The following ACTB variants were observed in gnomAD, a reference collection of about 807,000 sequenced individuals.
ACTB encodes actin beta.
A neutral mutation model predicts 30.5 loss-of-function variants in ACTB; 2 were observed. That is an observed-to-expected ratio of 0.07 (90% CI 0.03 to 0.21). ACTB has a LOEUF of 0.21. Ranked by LOEUF, ACTB falls within the 10% of genes least tolerant of loss-of-function variation. The probability of loss-of-function intolerance (pLI) is 1.00; values close to 1 mark genes in which losing one functional copy is unlikely to be tolerated. For synonymous variants in ACTB, 335 were observed against 217.6 expected, an observed-to-expected ratio of 1.54 and a Z score of -4.75; for missense variants, 56 against 530.0, an observed-to-expected ratio of 0.11 and a Z score of 8.78.
At chr7:5,529,051 A>G (rs1562719555) in intron 3 of ACTB, 110 bp downstream of exon 3, 1 of 1,612,930 alleles carries the variant, frequency 6.2e-7, no homozygotes, top group African/African-American at 1.3e-5. Flanking sequence ...CAGGTCAGAG[A>G]AGAGAGTCCT....
chr7:5,527,913 C>G, intron 5 of ACTB, 22 bp from the exon 6 acceptor site: 4 of 1,613,062 alleles, frequency 2.5e-6, no homozygotes, highest in Non-Finnish European at 3.4e-6. Context: ...AGGGGACAGG[C>G]AGTGAGGACC....
Position 5,528,357 on chromosome 7 carries a change from C to T in ACTB, c.726G>A (p.Leu242=), listed in dbSNP as rs774299670. The part of the protein sequence containing the change: ...SSSSLEKSYE[L]PDGQVITIGN... ...CAATGGTGATGACCTGGCCGTCAGG[C>T]AGCTCGTAGCTCTTCTCCAGGGAGG... The change falls in exon 4 of 6, where the codon CTG becomes CTA. Residue 242 remains leucine, a synonymous_variant. Coordinates refer to ENST00000646664, the MANE Select transcript of ACTB (RefSeq NM_001101.5). The T allele has an allele frequency of 1.8e-5, 29 of 1,614,146 alleles. No homozygotes were observed. Among genetic ancestry groups the T allele is most frequent in the Non-Finnish European group, 2.5e-5 (29 of 1,180,038 alleles).
At position 5,528,528 on chromosome 7, in the gene ACTB, C is replaced by G. The variant is rs572827597; in HGVS notation, c.555G>C (p.Leu185=). ...ILRLDLAGRD[L]TDYLMKILTE... is the part of the protein sequence containing the mutation. ...TGAGGATCTTCATGAGGTAGTCAGT[C>G]AGGTCCCGGCCAGCCAGGTCCAGAC... is the stretch of plus-strand genomic sequence containing the variant. The change falls in exon 4 of 6, where the codon CTG becomes CTC. Residue 185 remains leucine (L), a synonymous_variant. Coordinates refer to ENST00000646664, the MANE Select transcript of ACTB (RefSeq NM_001101.5). 1.2e-6 allele frequency: 2 copies of G among 1,614,048 alleles called. No homozygotes were observed. The highest frequency in any genetic ancestry group is 2.7e-5 in the African/African-American group (2 of 75,074).
At chr7:5,528,246 A>AT (rs1784807534) in intron 4 of ACTB, 35 bp downstream of exon 4, 2 of 1,613,786 alleles carry the variant, frequency 1.2e-6, no homozygotes, top group African/African-American at 2.7e-5. Flanking sequence ...GGTAACCCTC[A>AT]TGTCAGGCAG....
chr7:5,527,980 A>C (rs1784801791), intron 5 of ACTB, 24 bp downstream of exon 5: 1 of 1,613,204 alleles, frequency 6.2e-7, no homozygotes, highest in Non-Finnish European at 8.5e-7. Context: ...TGCCCAGGTC[A>C]GCTCAGGCAG....
rs769182426 is a variant in ACTB, at chr7:5,528,100, G to A, written c.888C>T (p.Asn296=). 2 of 1,614,258 alleles carry A rather than the reference G, an allele frequency of 1.2e-6. No homozygotes were observed. Among genetic ancestry groups the A allele is most frequent in the East Asian group, 2.2e-5 (1 of 44,890 alleles). ...TGGTGGTGCCGCCAGACAGCACTGTGTTGGCGTACAGGTCTTTGCGGATGT... is the reference window on the plus strand; with the variant it reads ...TGGTGGTGCCGCCAGACAGCACTGTATTGGCGTACAGGTCTTTGCGGATGT... The part of the protein sequence containing the change: ...DVDIRKDLYA[N]TVLSGGTTMY... Residue 296 remains asparagine, a synonymous_variant, in exon 5 of 6, where the codon AAC becomes AAT. Coordinates refer to ENST00000646664, the MANE Select transcript of ACTB (RefSeq NM_001101.5).
chr7:5,529,470 T>C (rs1403563035), intron 2 of ACTB, 65 bp downstream of exon 2: 4 of 1,612,968 alleles, frequency 2.5e-6, no homozygotes, highest in Non-Finnish European at 2.5e-6. Context: ...GAGGCTCCTG[T>C]GCAGAGAAAG....
chr7:5,528,321 C>G lies in ACTB; in HGVS notation c.762G>C (p.Arg254=), dbSNP rs145818896. 246 of 1,614,210 alleles carry G rather than the reference C, an allele frequency of 1.5e-4. No homozygotes were observed. The African/African-American group carries it at 2.7e-3, about 18-fold the overall frequency. Residue 254 remains arginine (R), a synonymous_variant, in exon 4 of 6, where the codon CGG becomes CGC. Transcript: ENST00000646664. Reference sequence around the variant, plus strand: ...GGAAGAGTGCCTCAGGGCAGCGGAACCGCTCATTGCCAATGGTGATGACCT... The same window carrying G: ...GGAAGAGTGCCTCAGGGCAGCGGAAGCGCTCATTGCCAATGGTGATGACCT... ...DGQVITIGNE[R]FRCPEALFQP... is the part of the protein sequence containing the mutation.
Position 5,528,489 on chromosome 7 carries a change from G to A in ACTB, c.594C>T (p.Tyr198=). 6.2e-7 allele frequency: 1 copy of A among 1,614,116 alleles called. No individual in the cohort carries two copies. The highest frequency in any genetic ancestry group is 8.5e-7 in the Non-Finnish European group (1 of 1,180,038). The change falls in exon 4 of 6, where the codon TAC becomes TAT. Residue 198 remains tyrosine (Y), a synonymous_variant. Coordinates refer to ENST00000646664, the MANE Select transcript of ACTB (RefSeq NM_001101.5). ...YLMKILTERG[Y]SFTTTAEREI... ...CCCGCTCGGCCGTGGTGGTGAAGCTGTAGCCGCGCTCGGTGAGGATCTTCA... is the reference window on the plus strand; with the variant it reads ...CCCGCTCGGCCGTGGTGGTGAAGCTATAGCCGCGCTCGGTGAGGATCTTCA...
chr7:5,529,689 G>A (rs1048523056), intron 1 of ACTB, 26 bp from the exon 2 acceptor site: 3 of 1,611,116 alleles, frequency 1.9e-6, no homozygotes, highest in Non-Finnish European at 1.7e-6. Flanking sequence ...GGCGCGCTGT[G>A]AGCCGAGGTC....
Position 5,528,166 on chromosome 7 carries a change from G to A in ACTB, c.822C>T (p.Ile274=), listed in dbSNP as rs377390140. 5 of 1,614,098 alleles carry A rather than the reference G, an allele frequency of 3.1e-6. No individual in the cohort carries two copies. In the African/African-American group the frequency reaches 5.3e-5, roughly 17 times the overall value. The stretch of plus-strand genomic sequence containing the variant: ...TGATGGAGTTGAAGGTAGTTTCGTG[G>A]ATGCCACAGGACTCCATGCCTGAGA... ...PSFLGMESCG[I]HETTFNSIMK... The change falls in exon 5 of 6, where the codon ATC becomes ATT. Residue 274 remains isoleucine, a synonymous_variant. Coordinates refer to ENST00000646664, the MANE Select transcript of ACTB (RefSeq NM_001101.5).
Position 5,529,535 on chromosome 7 carries a change from C to T in ACTB, c.123G>A (p.Gln41=), listed in dbSNP as rs1784838647. Residue 41 remains glutamine, a splice_region_variant and synonymous_variant, in exon 2 of 6, where the codon CAG becomes CAA. Coordinates refer to ENST00000646664, the MANE Select transcript of ACTB (RefSeq NM_001101.5). ...FPSIVGRPRH[Q]GVMVGMGQKD... Reference sequence around the variant, plus strand: ...TGCCCCACCCAGCCAGCTCCCCTACCTGGTGCCTGGGGCGCCCCACGATGG... The same window carrying T: ...TGCCCCACCCAGCCAGCTCCCCTACTTGGTGCCTGGGGCGCCCCACGATGG... 6.2e-7 allele frequency: 1 copy of T among 1,611,666 alleles called. No individual in the cohort carries two copies. Among genetic ancestry groups the T allele is most frequent in the Non-Finnish European group, 8.5e-7 (1 of 1,179,288 alleles).
chr7:5,528,206 G>C, intron 4 of ACTB, 21 bp from the exon 5 acceptor site: 2 of 1,613,902 alleles, frequency 1.2e-6, no homozygotes, highest in Non-Finnish European at 1.7e-6. Context: ...AATGAGGGCA[G>C]GACTTAGCTT....
intron 4 of ACTB, 21 bp downstream of exon 4, chr7:5,528,260 C>T (rs753983599): frequency 1.2e-5 from 19 of 1,613,360 alleles, no homozygotes; most frequent in South Asian, 2.2e-5. Flanking sequence ...CAGGCAGAGC[C>T]GGGAGACAGT....
chr7:5,527,676 A>T lies in ACTB; in HGVS notation c.*72T>A, dbSNP rs147293109. ...CAAAAAAAACAAATAAAGCCATGCC[A>T]ATCTCATCTTGTTTTCTGCGCAAGT... On this transcript the variant is annotated 3_prime_UTR_variant, in exon 6 of 6. Transcript: ENST00000646664. The T allele has an allele frequency of 5.0e-4, 790 of 1,593,722 alleles. 13 individuals are homozygous for T. The East Asian group carries it at 0.016, about 32-fold the overall frequency.
Position 5,528,112 on chromosome 7 carries a change from G to A in ACTB, c.876C>T (p.Asp292=), listed in dbSNP as rs766880763. 2.5e-6 allele frequency: 4 copies of A among 1,614,240 alleles called. No individual in the cohort carries two copies. Among genetic ancestry groups the A allele is most frequent in the South Asian group, 1.1e-5 (1 of 91,090 alleles). ...CAGACAGCACTGTGTTGGCGTACAG[G>A]TCTTTGCGGATGTCCACGTCACACT... ...IMKCDVDIRK[D]LYANTVLSGG... Residue 292 remains aspartate, a synonymous_variant, in exon 5 of 6, where the codon GAC becomes GAT. Transcript: ENST00000646664.
Position 5,527,731 on chromosome 7 carries a change from A to G in ACTB, c.*17T>C, listed in dbSNP as rs770822774. 24 of 1,613,284 alleles carry G rather than the reference A, an allele frequency of 1.5e-5. 1 individual carries two copies. The South Asian group carries it at 2.3e-4, about 16-fold the overall frequency. ...TTTTGTCAAGAAAGGGTGTAACGCA[A>G]CTAAGTCATAGTCCGCCTAGAAGCA... is the stretch of plus-strand genomic sequence containing the variant. On this transcript the variant is annotated 3_prime_UTR_variant, in exon 6 of 6. Coordinates refer to ENST00000646664, the MANE Select transcript of ACTB (RefSeq NM_001101.5).
In ACTB at chr7:5,527,991, GA is replaced by G. The variant is rs766398197; in HGVS notation, c.984+12del. ...GACCTGCCCAGGTCAGCTCAGGCAG[GA>G]AAGACACCCACCTTGATCTTCATTG... On this transcript the variant is annotated intron_variant, in intron 5 of 5. Transcript: ENST00000646664. 6.2e-7 allele frequency: 1 copy of G among 1,613,240 alleles called. No homozygotes were observed. The highest frequency in any genetic ancestry group is 1.1e-5 in the South Asian group (1 of 91,062).
Position 5,527,640 on chromosome 7 carries a change from C to T in ACTB, c.*108G>A, listed in dbSNP as rs1423500579. On this transcript the variant is annotated 3_prime_UTR_variant, in exon 6 of 6. Coordinates refer to ENST00000646664, the MANE Select transcript of ACTB (RefSeq NM_001101.5). ...AGTCAAGCCAAAAAAAAAAAAAAAA[C>T]CAAAACAAAACAAAAAAAACAAATA... is the stretch of plus-strand genomic sequence containing the variant. 3.0e-6 allele frequency: 4 copies of T among 1,341,976 alleles called. No individual in the cohort carries two copies. The highest frequency in any genetic ancestry group is 3.1e-6 in the Non-Finnish European group (3 of 969,330). 83.1% of individuals were successfully genotyped at this position (1,341,976 alleles called of 1,614,324 possible).
Sources: gnomAD v4.1 joint callset for allele counts on GRCh38, gnomAD v4.1.1 for gene constraint, MANE v1.5 for transcripts, NCBI Gene and HGNC (gene_info 2026-07-23, HGNC 2026-07-21) for gene names.